The following COL18A1 variants were observed in gnomAD, a reference collection of about 807,000 sequenced individuals.
COL18A1 encodes collagen alpha-1(XVIII) chain.
In COL18A1, 133 loss-of-function variants were observed where a neutral mutation model predicts 168.0. The ratio of observed to expected loss-of-function variants is 0.79; its 90% CI spans 0.69 to 0.91. COL18A1 has a LOEUF of 0.91. Among genes scored for constraint, COL18A1 ranks in the 40% least tolerant of loss-of-function variants. COL18A1 has a pLI of 0.00. For synonymous variants in COL18A1, 949 were observed against 809.0 expected (o/e 1.17, Z -2.94); for missense variants, 2,126 against 1,925.4 (o/e 1.10, Z -1.95).
intron 2 of COL18A1, chr21:45,420,001 A>G (rs1424112018): frequency 6.6e-6 from 1 of 152,238 alleles, no homozygotes; most frequent in African/African-American, 2.4e-5. Flanking sequence ...GTCACAAATA[A>G]TAAAAAGCAG....
rs2297287 is a variant in COL18A1 at position 45,492,972 on chromosome 21, G to A, written c.2215-191G>A. ...CAGTGTCCAGAGTGAGGCTGGGGCC[G>A]GGAGGTGTCCTGGTGGGGGTCACCT... On this transcript the variant is annotated intron_variant, in intron 24 of 41. Coordinates refer to ENST00000651438, the MANE Select transcript of COL18A1 (RefSeq NM_001379500.1). Among the ~76,000 whole-genome samples, 21,693 of 152,086 alleles carry A rather than the reference G, an allele frequency of 0.14. 1,920 individuals are homozygous for A. The highest frequency in any genetic ancestry group is 0.23 in the African/African-American group (9,726 of 41,440).
In COL18A1 at chr21:45,492,409, G is replaced by A. The variant is rs554792955; in HGVS notation, c.2158-126G>A. 2.7e-4 allele frequency: 316 copies of A among 1,192,350 alleles called. 1 individual carries two copies. The highest frequency in any genetic ancestry group is 9.6e-4 in the Middle Eastern group (4 of 4,166). The allele number at this position is 1,192,350 out of a possible 1,614,324, so 73.9% of individuals were successfully genotyped here. ...AGGAGGGATGCCCCAGGCCCAGGAA[G>A]ACTGGAAAGCAACATTTTCCTTGAA... On this transcript the variant is annotated intron_variant, in intron 22 of 41. Coordinates refer to ENST00000651438, the MANE Select transcript of COL18A1 (RefSeq NM_001379500.1).
At chr21:45,432,615 A>G (rs6518244) in intron 2 of COL18A1, among the ~76,000 whole-genome samples, 150,678 of 152,354 alleles carry the variant, frequency 0.99, 74,522 homozygotes, top group East Asian at 1. Flanking sequence ...CAGTCAGAGC[A>G]TCTGGACCAT....
At chr21:45,437,103 G>A (rs1322974329) in intron 2 of COL18A1, among the ~76,000 whole-genome samples, 1 of 114,678 alleles carries the variant, frequency 8.7e-6, no homozygotes, top group East Asian at 2.8e-4. Context: ...GCACTCTCCT[G>A]CACACACACT....
chr21:45,426,136 G>A (rs112331505), intron 2 of COL18A1, among the ~76,000 whole-genome samples: 10 of 151,884 alleles, frequency 6.6e-5, no homozygotes, highest in African/African-American at 2.4e-4. Flanking sequence ...ACAGAGTCTC[G>A]CTCTGTCGCC....
Position 45,418,663 on chromosome 21 carries a change from T to A in COL18A1, c.106+13190T>A, listed in dbSNP as rs28361457. Reference sequence around the variant, plus strand: ...CAGCCCGCCCTCCTTGGCTCACATCTCTTCCTGGGGTCTCAGGGAAGCGGC... The same window carrying A: ...CAGCCCGCCCTCCTTGGCTCACATCACTTCCTGGGGTCTCAGGGAAGCGGC... On this transcript the variant is annotated intron_variant, in intron 2 of 41. Coordinates refer to ENST00000651438, the MANE Select transcript of COL18A1 (RefSeq NM_001379500.1). Among the ~76,000 whole-genome samples, 79 of 39,404 alleles carry A rather than the reference T, an allele frequency of 2.0e-3. No individual in the cohort carries two copies. The South Asian group carries it at 0.059, about 29-fold the overall frequency. The allele number at this position is 39,404 out of a possible 152,430, so 25.9% of individuals were successfully genotyped here. A position where few individuals can be genotyped will look rare whatever the true frequency, so the allele number is the denominator to read the frequency against.
At chr21:45,509,952 C>A in intron 39 of COL18A1, 112 bp from the exon 40 acceptor site, 1 of 1,255,858 alleles carries the variant, frequency 8.0e-7, no homozygotes, top group Non-Finnish European at 1.1e-6. Flanking sequence ...TCCCGCTCAG[C>A]GCCCCTCGGC....
At chr21:45,450,180 C>T (rs1460326538) in intron 2 of COL18A1, among the ~76,000 whole-genome samples, 2 of 152,112 alleles carry the variant, frequency 1.3e-5, no homozygotes, top group Admixed American at 1.3e-4. Flanking sequence ...TCTCTGGTCC[C>T]TGGGGAAGGA....
chr21:45,489,082 G>A (rs538564279), intron 18 of COL18A1, among the ~76,000 whole-genome samples: 3 of 152,182 alleles, frequency 2.0e-5, no homozygotes, highest in African/African-American at 4.8e-5. Context: ...GCACTCTCAC[G>A]CGTCACCAGC....
chr21:45,505,113 G>T, intron 34 of COL18A1, 21 bp from the exon 35 acceptor site: 1 of 1,605,150 alleles, frequency 6.2e-7, no homozygotes, highest in Middle Eastern at 1.7e-4. Context: ...ACCAGGAAGC[G>T]TCTCTTGTCG....
chr21:45,412,348 T>G (rs893653789), intron 2 of COL18A1, among the ~76,000 whole-genome samples: 61 of 151,270 alleles, frequency 4.0e-4, no homozygotes, highest in African/African-American at 1.4e-3. Context: ...GCGATTCTCC[T>G]GCCTCAGCCT....
At chr21:45,455,838 C>T (rs2034782659) in intron 2 of COL18A1, 2 of 1,613,214 alleles carry the variant, frequency 1.2e-6, no homozygotes, top group African/African-American at 1.3e-5. Context: ...CCGGACGCGC[C>T]AGAGGAGAAC....
chr21:45,483,727 C>T (rs1277309652), intron 15 of COL18A1, among the ~76,000 whole-genome samples: 1 of 152,158 alleles, frequency 6.6e-6, no homozygotes, highest in Non-Finnish European at 1.5e-5. Context: ...CAGAACATGG[C>T]CAAGCTCCAG....
At chr21:45,479,369 ACAC>A (rs1005978975) in intron 9 of COL18A1, among the ~76,000 whole-genome samples, 3 of 151,432 alleles carry the variant, frequency 2.0e-5, no homozygotes, top group Admixed American at 6.6e-5. Context: ...GTGTGCACAC[ACAC>A]CACAGGTGGA....
chr21:45,512,407 T>C lies in COL18A1; in HGVS notation c.*9T>C. 6.2e-7 allele frequency: 1 copy of C among 1,611,286 alleles called. No individual in the cohort carries two copies. The highest frequency in any genetic ancestry group is 8.5e-7 in the Non-Finnish European group (1 of 1,179,294). On this transcript the variant is annotated 3_prime_UTR_variant, in exon 42 of 42. Coordinates refer to ENST00000651438, the MANE Select transcript of COL18A1 (RefSeq NM_001379500.1). ...TGACTGCCTCCAAGTAGCCACCGCCTGGATGCGGATGGCCGGAGAGGACCG... is the reference window on the plus strand; with the variant it reads ...TGACTGCCTCCAAGTAGCCACCGCCCGGATGCGGATGGCCGGAGAGGACCG...
intron 2 of COL18A1, among the ~76,000 whole-genome samples, chr21:45,418,088 G>A (rs138938111): frequency 1.1e-4 from 16 of 152,368 alleles, no homozygotes; most frequent in East Asian, 3.9e-4. Flanking sequence ...GGCGCCTGGC[G>A]TGGGGCTGGA....
chr21:45,479,478 C>G (rs1328375776), intron 9 of COL18A1, among the ~76,000 whole-genome samples: 1 of 152,152 alleles, frequency 6.6e-6, no homozygotes, highest in Non-Finnish European at 1.5e-5. Flanking sequence ...TACACACATA[C>G]ACATACCACG....
At chr21:45,437,283 C>A (rs1334292603) in intron 2 of COL18A1, among the ~76,000 whole-genome samples, 2 of 135,136 alleles carry the variant, frequency 1.5e-5, no homozygotes, top group African/African-American at 3.1e-5. Flanking sequence ...CACAGGCACT[C>A]TCCTGCACAC....
intron 4 of COL18A1, 76 bp downstream of exon 4, chr21:45,474,057 C>A (rs1369170275): frequency 4.2e-6 from 5 of 1,202,998 alleles, no homozygotes; most frequent in Middle Eastern, 1.9e-4. Flanking sequence ...AGGTCTATGA[C>A]AGGAAAAGTC....
Sources: allele counts gnomAD v4.1 joint callset (sites outside exome capture counted in the v4.1 genomes callset), GRCh38; gene constraint gnomAD v4.1.1; transcripts MANE v1.5; gene names NCBI Gene and HGNC (gene_info 2026-07-23, HGNC 2026-07-21).